Variants in SIAH3 observed in about 807,000 individuals in gnomAD.
SIAH3 encodes seven in absentia homolog 3.
Under a neutral mutation model 12.6 loss-of-function variants are expected in SIAH3, and 9 were observed. The ratio of observed to expected loss-of-function variants is 0.72; its 90% CI spans 0.43 to 1.25. The LOEUF (loss-of-function observed/expected upper bound fraction) is 1.25. SIAH3 is among the 50% of genes most tolerant of loss of function. SIAH3 has a pLI of 0.00. For synonymous variants in SIAH3, 154 were observed against 151.1 expected (o/e 1.02, Z -0.14); for missense variants, 390 against 365.4 (o/e 1.07, Z -0.55).
At chr13:45,812,411 C>T (rs1950619252) in intron 1 of SIAH3, among the ~76,000 whole-genome samples, 2 of 152,202 alleles carry the variant, frequency 1.3e-5, no homozygotes, top group Admixed American at 1.3e-4. Context: ...GGTCCAATTG[C>T]CAGTTCATCC....
intron 1 of SIAH3, among the ~76,000 whole-genome samples, chr13:45,803,664 G>A (rs911293243): frequency 6.6e-6 from 1 of 152,200 alleles, no homozygotes; most frequent in African/African-American, 2.4e-5. Context: ...AATCCTGGAA[G>A]GTCAAGGTAG....
intron 1 of SIAH3, among the ~76,000 whole-genome samples, chr13:45,839,584 G>A (rs1950732114): frequency 6.6e-6 from 1 of 152,198 alleles, no homozygotes. Context: ...TGTAATCCCA[G>A]CACTTTGGGA....
At position 45,845,771 on chromosome 13, in the gene SIAH3, T is replaced by C. The variant is rs540599259; in HGVS notation, c.135+5724A>G. 2.6e-5 allele frequency among the ~76,000 whole-genome samples: 4 copies of C among 152,280 alleles called. No homozygotes were observed. In the East Asian group the frequency reaches 7.7e-4, roughly 29 times the overall value. Reference sequence around the variant, plus strand: ...ACTTTCATCTTTCCCAATTTCAACATTCAGGATTGTGCCTTTCAAAATTAT... The same window carrying C: ...ACTTTCATCTTTCCCAATTTCAACACTCAGGATTGTGCCTTTCAAAATTAT... On this transcript the variant is annotated intron_variant, in intron 1 of 1. Transcript: ENST00000400405.
Position 45,783,790 on chromosome 13 carries a change from T to C in SIAH3, c.403A>G (p.Ile135Val). 1.2e-6 allele frequency: 2 copies of C among 1,614,172 alleles called. No homozygotes were observed. The highest frequency in any genetic ancestry group is 1.7e-6 in the Non-Finnish European group (2 of 1,180,020). ...PHLRQIHRVD[I>V]LQGAEIVFLA... is the part of the protein sequence containing the mutation. ...AAGACGATCTCGGCTCCCTGGAGGA[T>C]GTCAACCCTATGGATCTGCCGCAGG... The change falls in exon 2 of 2, where the codon ATC becomes GTC. Residue 135 changes from isoleucine to valine, a missense_variant. Coordinates refer to ENST00000400405, the MANE Select transcript of SIAH3 (RefSeq NM_198849.3).
At chr13:45,795,977 G>C (rs1235973915) in intron 1 of SIAH3, among the ~76,000 whole-genome samples, 1 of 152,168 alleles carries the variant, frequency 6.6e-6, no homozygotes, top group Non-Finnish European at 1.5e-5. Flanking sequence ...ACACAGAAGA[G>C]TACATGTTTA....
chr13:45,847,973 G>C (rs930194017), intron 1 of SIAH3, among the ~76,000 whole-genome samples: 1 of 152,112 alleles, frequency 6.6e-6, no homozygotes, highest in Admixed American at 6.6e-5. Flanking sequence ...TGGGGCAAAA[G>C]AAGGCAGGGC....
chr13:45,814,574 G>T (rs1209740142), intron 1 of SIAH3, among the ~76,000 whole-genome samples: 2 of 152,224 alleles, frequency 1.3e-5, no homozygotes, highest in Non-Finnish European at 2.9e-5. Flanking sequence ...TGCTGCCCTA[G>T]TAAGCTTCAT....
intron 1 of SIAH3, among the ~76,000 whole-genome samples, chr13:45,842,123 G>T (rs1405798467): frequency 6.6e-6 from 1 of 152,132 alleles, no homozygotes; most frequent in Non-Finnish European, 1.5e-5. Context: ...TCAAAAGCAT[G>T]GTCCTCAGCA....
At chr13:45,844,231 G>A (rs544246056) in intron 1 of SIAH3, among the ~76,000 whole-genome samples, 5 of 152,146 alleles carry the variant, frequency 3.3e-5, no homozygotes, top group Non-Finnish European at 1.5e-5. Flanking sequence ...GCATTATGTC[G>A]GATGTTTCTG....
rs142643791 is a variant in SIAH3 at position 45,826,140 on chromosome 13, C to T, written c.135+25355G>A. 5.1e-3 allele frequency among the ~76,000 whole-genome samples: 782 copies of T among 152,254 alleles called. 11 individuals are homozygous for T. Among genetic ancestry groups the T allele is most frequent in the African/African-American group, 0.018 (756 of 41,542 alleles). On this transcript the variant is annotated intron_variant, in intron 1 of 1. Transcript: ENST00000400405. ...TCCTGGATGACTCAGTCCATAGAAG[C>T]TTGTTTTAATTCTCTGCAAAGCATT...
At chr13:45,798,691 C>A (rs947025288) in intron 1 of SIAH3, among the ~76,000 whole-genome samples, 1 of 152,248 alleles carries the variant, frequency 6.6e-6, no homozygotes, top group Non-Finnish European at 1.5e-5. Context: ...CTCACTTCGG[C>A]ACTGGCCCTA....
chr13:45,797,253 T>C (rs1212749823), intron 1 of SIAH3, among the ~76,000 whole-genome samples: 1 of 152,098 alleles, frequency 6.6e-6, no homozygotes, highest in African/African-American at 2.4e-5. Context: ...AAGAGTGCCA[T>C]GCTCTCCAAT....
At chr13:45,827,154 C>T (rs1053775190) in intron 1 of SIAH3, among the ~76,000 whole-genome samples, 1 of 152,170 alleles carries the variant, frequency 6.6e-6, no homozygotes, top group Non-Finnish European at 1.5e-5. Flanking sequence ...CAGCTCTGGT[C>T]CGTGAAACTT....
intron 1 of SIAH3, among the ~76,000 whole-genome samples, chr13:45,838,539 T>C (rs2164361): frequency 0.15 from 22,626 of 151,868 alleles, 2,996 homozygotes; most frequent in East Asian, 0.4. Context: ...TGCCAGCGCC[T>C]GCCCCAAGTG....
chr13:45,848,665 A>G (rs1950768858), intron 1 of SIAH3, among the ~76,000 whole-genome samples: 1 of 152,232 alleles, frequency 6.6e-6, no homozygotes, highest in Admixed American at 6.5e-5. Context: ...TCGAATTCTC[A>G]GGAAAGCCCA....
intron 1 of SIAH3, among the ~76,000 whole-genome samples, chr13:45,825,957 C>T (rs1950672981): frequency 6.6e-6 from 1 of 152,086 alleles, no homozygotes; most frequent in Non-Finnish European, 1.5e-5. Context: ...TGCCTTCCTC[C>T]CCCTGGCCCT....
At position 45,781,377 on chromosome 13, in the gene SIAH3, G is replaced by A. The variant is rs1950503008; in HGVS notation, c.*2006C>T. 1 of 152,264 alleles carries A rather than the reference G, an allele frequency of 6.6e-6. No individual in the cohort carries two copies. The highest frequency in any genetic ancestry group is 3.2e-3 in the Middle Eastern group (1 of 316). 9.4% of individuals were successfully genotyped at this position (152,264 alleles called of 1,614,324 possible). A position where few individuals can be genotyped will look rare whatever the true frequency, so the allele number is the denominator to read the frequency against. ...ACAGCCAAGGGGGTCTTAGGTTCTGGGAAGGGGATTGGGGATGCAGTGAGG... is the reference window on the plus strand; with the variant it reads ...ACAGCCAAGGGGGTCTTAGGTTCTGAGAAGGGGATTGGGGATGCAGTGAGG... On this transcript the variant is annotated 3_prime_UTR_variant, in exon 2 of 2. Transcript: ENST00000400405.
intron 1 of SIAH3, among the ~76,000 whole-genome samples, chr13:45,826,026 C>T (rs1242463779): frequency 1.3e-5 from 2 of 152,148 alleles, no homozygotes; most frequent in African/African-American, 2.4e-5. Context: ...GTCTGGAAGG[C>T]GTTTTCCCTT....
At chr13:45,840,541 A>G (rs1201440800) in intron 1 of SIAH3, among the ~76,000 whole-genome samples, 3 of 152,360 alleles carry the variant, frequency 2.0e-5, no homozygotes. Flanking sequence ...TGGATGCAGT[A>G]GTAAATTTGG....
Sources: allele counts gnomAD v4.1 joint callset (sites outside exome capture counted in the v4.1 genomes callset), GRCh38; gene constraint gnomAD v4.1.1; transcripts MANE v1.5; gene names NCBI Gene and HGNC (gene_info 2026-07-23, HGNC 2026-07-21).